C2orf49: variants seen among roughly 807,000 people sequenced by gnomAD.
C2orf49 encodes the protein tRNA-splicing ligase complex subunit ASW.
In C2orf49, 11 loss-of-function variants were observed where a neutral mutation model predicts 20.6. The observed-to-expected ratio is 0.53, with a 90% confidence interval of 0.34 to 0.88. The LOEUF (loss-of-function observed/expected upper bound fraction) is 0.88, where lower values mean the gene tolerates loss of function less well. Ranked by LOEUF, C2orf49 falls within the 40% of genes least tolerant of loss-of-function variation. The pLI is 0.02. For missense variants in C2orf49, 289 were observed against 274.2 expected (o/e 1.05, Z -0.38); for synonymous variants, 134 against 108.5 (o/e 1.24, Z -1.46).
chr2:105,375,294 CTT>C, the C2orf49 span: 1 of 152,208 alleles, frequency 6.6e-6, no homozygotes, highest in Non-Finnish European at 1.5e-5. Flanking sequence ...CGCTGAGACA[CTT>C]TGAAGACAGT....
the C2orf49 span, among the ~76,000 whole-genome samples, chr2:105,381,527 T>C: frequency 1.3e-5 from 2 of 152,156 alleles, no homozygotes; most frequent in African/African-American, 2.4e-5. Flanking sequence ...TGCTGAGCGC[T>C]GTGCACCTCT....
downstream of C2orf49, among the ~76,000 whole-genome samples, chr2:105,351,618 T>C (rs538798003): frequency 1.3e-5 from 2 of 152,354 alleles, no homozygotes; most frequent in Non-Finnish European, 2.9e-5. Flanking sequence ...TTCAGTTCGC[T>C]CCCGTTTCCC....
chr2:105,375,113 C>G, the C2orf49 span: 1 of 151,440 alleles, frequency 6.6e-6, no homozygotes, highest in Non-Finnish European at 1.5e-5. Context: ...CTAGAACAAA[C>G]AGTTCTCTTT....
the C2orf49 span, among the ~76,000 whole-genome samples, chr2:105,377,250 T>C: frequency 6.6e-6 from 1 of 152,192 alleles, no homozygotes; most frequent in East Asian, 1.9e-4. Flanking sequence ...GCCATCTGAA[T>C]GCACTTACTA....
At position 105,347,518 on chromosome 2, in the gene C2orf49, T is replaced by C. The variant is rs1679843516; in HGVS notation, c.*2147T>C. 1 of 152,234 alleles carries C rather than the reference T, an allele frequency of 6.6e-6. No homozygotes were observed. Among genetic ancestry groups the C allele is most frequent in the African/African-American group, 2.4e-5 (1 of 41,460 alleles). The allele number at this position is 152,234 out of a possible 1,614,324, so 9.4% of individuals were successfully genotyped here. Reference sequence around the variant, plus strand: ...AACTGTGTAACATTGTTGCTTCAAATTGAAGTTTATATTATGAACATTCAG... The same window carrying C: ...AACTGTGTAACATTGTTGCTTCAAACTGAAGTTTATATTATGAACATTCAG... On this transcript the variant is annotated 3_prime_UTR_variant, in exon 4 of 4. Transcript: ENST00000258457.
chr2:105,349,810 G>A (rs940356312), downstream of C2orf49, among the ~76,000 whole-genome samples: 2 of 152,228 alleles, frequency 1.3e-5, no homozygotes, highest in African/African-American at 4.8e-5. Flanking sequence ...ATTTTGAAGA[G>A]AGCATGCCTA....
Position 105,343,126 on chromosome 2 carries a change from G to C in C2orf49, c.545G>C (p.Ser182Thr), listed in dbSNP as rs1679717380. 3 of 1,614,210 alleles carry C rather than the reference G, an allele frequency of 1.9e-6. No individual in the cohort carries two copies. Among genetic ancestry groups the C allele is most frequent in the African/African-American group, 2.7e-5 (2 of 75,054 alleles). ...KQNHDLTHRK[S>T]PSGPVKSPPL... is the part of the protein sequence containing the mutation. Reference sequence around the variant, plus strand: ...AACCATGACTTAACGCATAGGAAAAGTCCTTCAGGCCCTGTGAAGTCGCCA... The same window carrying C: ...AACCATGACTTAACGCATAGGAAAACTCCTTCAGGCCCTGTGAAGTCGCCA... The change falls in exon 3 of 4, where the codon AGT becomes ACT. Residue 182 changes from serine to threonine, a missense_variant. Physicochemically the swap from Ser to Thr is moderately conservative, Grantham distance 58. Transcript: ENST00000258457.
At chr2:105,361,467 G>T in the C2orf49 span, 1 of 1,595,878 alleles carries the variant, frequency 6.3e-7, no homozygotes, top group South Asian at 1.1e-5. Flanking sequence ...ACCGGATGAA[G>T]AAAGTTAGAA....
In C2orf49 at chr2:105,337,584, G is replaced by T. The variant is rs1461678994; in HGVS notation, c.-4G>T. On this transcript the variant is annotated 5_prime_UTR_variant, in exon 1 of 4. Transcript: ENST00000258457. ...TAGCCGACTGGGGTCTCCTGGCGACGACCATGGCGGGGGATGTGGGCGGTC... is the reference window on the plus strand; with the variant it reads ...TAGCCGACTGGGGTCTCCTGGCGACTACCATGGCGGGGGATGTGGGCGGTC... 2 of 1,613,224 alleles carry T rather than the reference G, an allele frequency of 1.2e-6. No individual in the cohort carries two copies. The highest frequency in any genetic ancestry group is 1.7e-6 in the Non-Finnish European group (2 of 1,179,964).
At chr2:105,374,067 C>A in the C2orf49 span, 2 of 334,712 alleles carry the variant, frequency 6.0e-6, no homozygotes, top group South Asian at 5.7e-5. Flanking sequence ...CCTATCAATT[C>A]GTCTCACACC....
At chr2:105,361,923 TTGTCGCAG>T in the C2orf49 span, among the ~76,000 whole-genome samples, 1 of 152,134 alleles carries the variant, frequency 6.6e-6, no homozygotes, top group Non-Finnish European at 1.5e-5. Context: ...GAGAGGGATA[TTGTCGCAG>T]TGGGAAGATC....
downstream of C2orf49, among the ~76,000 whole-genome samples, chr2:105,352,429 G>GTTTTTTTTTTTTTTTTTTTTTTTT (rs61585149): frequency 1.4e-4 from 11 of 80,762 alleles, no homozygotes; most frequent in Non-Finnish European, 1.9e-4. Context: ...GTTTGTTTGG[G>GTTTTTTTTTTTTTTTTTTTTTTTT]TTTTTTTTTT....
chr2:105,353,703 T>G (rs1390525145), downstream of C2orf49, among the ~76,000 whole-genome samples: 1 of 152,204 alleles, frequency 6.6e-6, no homozygotes, highest in Non-Finnish European at 1.5e-5. Context: ...CTTCCAGATC[T>G]TACTTCTTGG....
the C2orf49 span, among the ~76,000 whole-genome samples, chr2:105,368,080 G>A: frequency 6.2e-4 from 94 of 152,314 alleles, no homozygotes; most frequent in Non-Finnish European, 1.1e-3. Flanking sequence ...GCATAGCTCC[G>A]ATGAATTCCC....
chr2:105,353,126 A>G (rs2679869), downstream of C2orf49, among the ~76,000 whole-genome samples: 21,003 of 152,104 alleles, frequency 0.14, 1,806 homozygotes, highest in South Asian at 0.24. Context: ...GGCTGAACTC[A>G]TCTTTCTTTT....
chr2:105,337,700 GATCGGAGGGT>G lies in C2orf49; in HGVS notation c.99+15_99+24del. On this transcript the variant is annotated intron_variant, in intron 1 of 3. Transcript: ENST00000258457. ...ACTCTGGAGCAGGTTGGGCGCGCCG[GATCGGAGGGT>G]GGGCGGGTGGGCCTTCCCAGGTGAG... The G allele has an allele frequency of 1.1e-6, 1 of 909,744 alleles. No homozygotes were observed. The highest frequency in any genetic ancestry group is 1.6e-6 in the Non-Finnish European group (1 of 629,148). The allele number at this position is 909,744 out of a possible 1,614,324, so 56.4% of individuals were successfully genotyped here.
chr2:105,374,944 G>A, the C2orf49 span, among the ~76,000 whole-genome samples: 2 of 152,316 alleles, frequency 1.3e-5, no homozygotes, highest in East Asian at 3.9e-4. Flanking sequence ...GGGCACAGGA[G>A]GGCTGTTCAC....
chr2:105,383,218 G>T, the C2orf49 span, among the ~76,000 whole-genome samples: 2 of 152,178 alleles, frequency 1.3e-5, no homozygotes, highest in African/African-American at 2.4e-5. Context: ...AATTTTTGAA[G>T]CCCAGAACGT....
the C2orf49 span, chr2:105,363,082 G>A: frequency 1.7e-6 from 1 of 572,858 alleles, no homozygotes; most frequent in Non-Finnish European, 3.2e-6. Context: ...GATCAGGTGG[G>A]CTGCAGAGGA....
Sources: gnomAD v4.1 joint callset for allele counts (sites outside exome capture counted in the v4.1 genomes callset) on GRCh38, gnomAD v4.1.1 for gene constraint, MANE v1.5 for transcripts, NCBI Gene and HGNC (gene_info 2026-07-23, HGNC 2026-07-21) for gene names.